The following FHDC1 variants were observed in gnomAD, a reference collection of about 807,000 sequenced individuals.
FHDC1 encodes the protein FH2 domain-containing protein 1.
FHDC1 carries 25 observed loss-of-function variants against 52.6 expected under a neutral mutation model. The ratio of observed to expected loss-of-function variants is 0.48; its 90% CI spans 0.35 to 0.66. The LOEUF is 0.66. Among genes scored for constraint, FHDC1 ranks in the 30% least tolerant of loss-of-function variants. The probability of loss-of-function intolerance (pLI) is 0.01; values close to 1 mark genes in which losing one functional copy is unlikely to be tolerated. For missense variants in FHDC1, 1,459 were observed against 1,452.8 expected, an observed-to-expected ratio of 1.00 and a Z score of -0.07; for synonymous variants, 616 against 581.5, an observed-to-expected ratio of 1.06 and a Z score of -0.85.
chr4:152,918,134 C>G, the FHDC1 span, among the ~76,000 whole-genome samples: 129 of 152,234 alleles, frequency 8.5e-4, no homozygotes, highest in East Asian at 4.8e-3. Context: ...AGTTTTCAAG[C>G]TTTTGGAGTC....
chr4:152,950,909 A>T (rs1453922169), intron 2 of FHDC1, among the ~76,000 whole-genome samples: 2 of 152,330 alleles, frequency 1.3e-5, no homozygotes, highest in East Asian at 3.9e-4. Context: ...TGCTCTGGGA[A>T]AGTTATAAAA....
chr4:152,936,225 GC>G (rs1739367250), upstream of FHDC1: 1 of 152,236 alleles, frequency 6.6e-6, no homozygotes, highest in Non-Finnish European at 1.5e-5. Flanking sequence ...GCCCTTCCCG[GC>G]CGGCCAGGAG....
At chr4:152,923,398 A>C in the FHDC1 span, among the ~76,000 whole-genome samples, 2 of 152,222 alleles carry the variant, frequency 1.3e-5, no homozygotes, top group African/African-American at 4.8e-5. Context: ...GCTCATGGGT[A>C]GGAAGAATCA....
At chr4:152,927,759 GAGA>G in the FHDC1 span, 26 of 1,415,334 alleles carry the variant, frequency 1.8e-5, no homozygotes, top group East Asian at 1.4e-4. Flanking sequence ...AAGCAACAAA[GAGA>G]AGAAGAACTG....
intron 10 of FHDC1, among the ~76,000 whole-genome samples, chr4:152,971,574 C>G (rs191729301): frequency 3.9e-4 from 60 of 152,294 alleles, no homozygotes; most frequent in Non-Finnish European, 7.1e-4. Flanking sequence ...TTCTTCCCAT[C>G]TCTGTGTTGA....
In FHDC1 at chr4:152,978,603, TA is replaced by T. The variant is rs1381169507; in HGVS notation, c.*1882del. 6.6e-6 allele frequency: 1 copy of T among 152,202 alleles called. No homozygotes were observed. Among genetic ancestry groups the T allele is most frequent in the Non-Finnish European group, 1.5e-5 (1 of 68,034 alleles). The allele number at this position is 152,202 out of a possible 1,614,324, so 9.4% of individuals were successfully genotyped here. ...GCCCATTTCACGACTCCTCTGAGAC[TA>T]ATTGGGAAACGGGGAAATTCTTGGA... is the stretch of plus-strand genomic sequence containing the variant. On this transcript the variant is annotated 3_prime_UTR_variant, in exon 12 of 12. Transcript: ENST00000511601.
rs200501757 is a variant in FHDC1, at chr4:152,960,849, G to A, written c.850+5G>A. The A allele has an allele frequency of 1.8e-4, 276 of 1,561,270 alleles. 1 individual carries two copies. The highest frequency in any genetic ancestry group is 2.2e-4 in the Middle Eastern group (1 of 4,470). On this transcript the variant is annotated splice_donor_5th_base_variant and intron_variant, in intron 6 of 11. Transcript: ENST00000511601. ...TTTTAAGAACTGCTATAAAAGGTGA[G>A]TCAACATATGATCCTTCGCAGAATT...
the FHDC1 span, among the ~76,000 whole-genome samples, chr4:152,919,944 C>CTTT: frequency 6.7e-4 from 47 of 70,324 alleles, 1 homozygote; most frequent in East Asian, 5.0e-3. Context: ...TAGGGAAGTT[C>CTTT]TTTTTTTTTT....
At chr4:152,930,323 T>C in the FHDC1 span, among the ~76,000 whole-genome samples, 1 of 152,276 alleles carries the variant, frequency 6.6e-6, no homozygotes, top group African/African-American at 2.4e-5. Context: ...ATAAATTTTC[T>C]TCTTTTTTAC....
rs1026162644 is a variant in FHDC1 at position 152,976,643 on chromosome 4, G to A, written c.3352G>A (p.Ala1118Thr). The stretch of plus-strand genomic sequence containing the variant: ...GGAGGCCCCTCTGAAGGCCAGAGGG[G>A]CTGGGGAAAGGGCCTCCCTCCGTCG... ...NTEAPLKARG[A>T]GERASLRRKD... Residue 1118 changes from alanine to threonine, a missense_variant, in exon 12 of 12, where the codon GCT becomes ACT. Physicochemically the swap from Ala to Thr is moderately conservative, Grantham distance 58. Transcript: ENST00000511601. 10 of 1,597,958 alleles carry A rather than the reference G, an allele frequency of 6.3e-6. 1 individual carries two copies. In the Admixed American group the frequency reaches 1.2e-4, roughly 20 times the overall value.
At chr4:152,968,169 A>T in intron 10 of FHDC1, 72 bp downstream of exon 10, 1 of 1,059,356 alleles carries the variant, frequency 9.4e-7, no homozygotes, top group Non-Finnish European at 1.4e-6. Flanking sequence ...TTAAATTTGC[A>T]TGGGTGTATT....
chr4:152,921,159 T>A, the FHDC1 span, among the ~76,000 whole-genome samples: 1 of 152,064 alleles, frequency 6.6e-6, no homozygotes, highest in Non-Finnish European at 1.5e-5. Flanking sequence ...TTTTATTTAC[T>A]GGTTACTTTT....
chr4:152,926,955 G>A, the FHDC1 span, among the ~76,000 whole-genome samples: 1 of 152,196 alleles, frequency 6.6e-6, no homozygotes, highest in Non-Finnish European at 1.5e-5. Flanking sequence ...CTTAACTTTA[G>A]CTAAGACAGA....
intron 4 of FHDC1, 49 bp downstream of exon 4, chr4:152,954,368 G>C (rs755199179): frequency 6.7e-7 from 1 of 1,502,100 alleles, no homozygotes; most frequent in South Asian, 1.1e-5. Context: ...GATCATAAAA[G>C]CTTAATATTT....
rs367960378 is a variant in FHDC1 at position 152,975,935 on chromosome 4, C to A, written c.2644C>A (p.Arg882=). 4.6e-6 allele frequency: 7 copies of A among 1,513,752 alleles called. No individual in the cohort carries two copies. The Admixed American group carries it at 1.4e-4, about 30-fold the overall frequency. 93.8% of individuals were successfully genotyped at this position (1,513,752 alleles called of 1,614,324 possible). ...GGCCTCCAAGCCCGGGAGCGCCCGG[C>A]GGAGCCAGGGGGCAGTGGCCAAGTC... ...PGASKPGSAR[R]SQGAVAKSVR... is the part of the protein sequence containing the mutation. Residue 882 remains arginine, a synonymous_variant, in exon 12 of 12, where the codon CGG becomes AGG. Coordinates refer to ENST00000511601, the MANE Select transcript of FHDC1 (RefSeq NM_001371116.1).
At chr4:152,912,216 A>T in the FHDC1 span, 1 of 152,170 alleles carries the variant, frequency 6.6e-6, no homozygotes, top group Non-Finnish European at 1.5e-5. Context: ...GAAAAAAGTA[A>T]ATCAATATAT....
chr4:152,975,226 C>T lies in FHDC1; in HGVS notation c.1935C>T (p.Leu645=). The T allele has an allele frequency of 1.2e-6, 2 of 1,613,366 alleles. No individual in the cohort carries two copies. The highest frequency in any genetic ancestry group is 8.5e-7 in the Non-Finnish European group (1 of 1,180,024). The change falls in exon 12 of 12, where the codon CTC becomes CTT. Residue 645 remains leucine (L), a synonymous_variant. Transcript: ENST00000511601. ...PRARRQGVSV[L]RKRYSEPVSL... The stretch of plus-strand genomic sequence containing the variant: ...CTCGGCGCCAGGGCGTCAGTGTCCT[C>T]CGAAAGAGGTACAGTGAGCCGGTGA...
chr4:152,957,160 C>T (rs1400858419), intron 4 of FHDC1, among the ~76,000 whole-genome samples: 1 of 152,162 alleles, frequency 6.6e-6, no homozygotes, highest in Non-Finnish European at 1.5e-5. Context: ...CTAATAAATT[C>T]GTAAGTGGAC....
chr4:152,913,693 T>TTTA, the FHDC1 span, among the ~76,000 whole-genome samples: 1 of 151,418 alleles, frequency 6.6e-6, no homozygotes, highest in African/African-American at 2.5e-5. Flanking sequence ...TTATTTATTT[T>TTTA]TTTTGAGACG....
Sources: gnomAD v4.1 joint callset for allele counts (sites outside exome capture counted in the v4.1 genomes callset) on GRCh38, gnomAD v4.1.1 for gene constraint, MANE v1.5 for transcripts, NCBI Gene and HGNC (gene_info 2026-07-23, HGNC 2026-07-21) for gene names.